The following TBC1D4 variants were observed in gnomAD, a reference collection of about 807,000 sequenced individuals.
TBC1D4 encodes TBC1 domain family member 4.
In TBC1D4, 121 loss-of-function variants were observed where a neutral mutation model predicts 142.5. That is an observed-to-expected ratio of 0.85 (90% CI 0.73 to 0.99). The LOEUF (loss-of-function observed/expected upper bound fraction) is 0.99. Among genes scored for constraint, TBC1D4 ranks in the 50% least tolerant of loss-of-function variants. TBC1D4 has a pLI of 0.00. For synonymous variants in TBC1D4, 630 were observed against 628.2 expected (o/e 1.00, Z -0.04); for missense variants, 1,475 against 1,606.6 (o/e 0.92, Z 1.40).
At chr13:75,320,950 A>G (rs1878716682) in intron 11 of TBC1D4, among the ~76,000 whole-genome samples, 1 of 151,556 alleles carries the variant, frequency 6.6e-6, no homozygotes, top group South Asian at 2.1e-4. Context: ...TGAGGCAGGA[A>G]AATGGCGTGA....
chr13:75,417,567 T>C (rs1034461581), intron 1 of TBC1D4, among the ~76,000 whole-genome samples: 1 of 151,844 alleles, frequency 6.6e-6, no homozygotes, highest in Non-Finnish European at 1.5e-5. Context: ...TCAGGATAGG[T>C]TTAATTAAGG....
chr13:75,361,964 G>T, intron 2 of TBC1D4, 62 bp downstream of exon 2: 2 of 1,565,550 alleles, frequency 1.3e-6, no homozygotes, highest in Non-Finnish European at 8.8e-7. Flanking sequence ...GGAACTGGAT[G>T]CCCAGCTACT....
At chr13:75,359,711 T>C in intron 3 of TBC1D4, 58 bp downstream of exon 3, 1 of 1,347,632 alleles carries the variant, frequency 7.4e-7, no homozygotes, top group Non-Finnish European at 1.1e-6. Flanking sequence ...CTTATTTTAT[T>C]GTTAATTCTG....
At position 75,362,067 on chromosome 13, in the gene TBC1D4, G is replaced by A; in HGVS notation, c.1039C>T (p.Gln347Ter). The change falls in exon 2 of 21, where the codon CAG becomes TAG. Residue 347 changes from glutamine (Q) to a stop codon, truncating the protein, a stop_gained. Coordinates refer to ENST00000377636, the MANE Select transcript of TBC1D4 (RefSeq NM_014832.5). LOFTEE classifies it high-confidence loss of function. The surrounding 1 kb of genome is among the most constrained non-coding windows in gnomAD (Gnocchi z 4.2). ...RRHASAPSHV[Q>*]PSDSEKNRTM... Reference sequence around the variant, plus strand: ...CTGTTCTTCTCCGAGTCCGAGGGCTGGACGTGACTGGGTGCGCTCGCGTGT... The same window carrying A: ...CTGTTCTTCTCCGAGTCCGAGGGCTAGACGTGACTGGGTGCGCTCGCGTGT... The A allele has an allele frequency of 1.2e-6, 2 of 1,614,140 alleles. No individual in the cohort carries two copies. The highest frequency in any genetic ancestry group is 1.1e-5 in the South Asian group (1 of 91,084).
At chr13:75,293,762 GAT>G (rs1228142093) in intron 18 of TBC1D4, among the ~76,000 whole-genome samples, 1 of 152,094 alleles carries the variant, frequency 6.6e-6, no homozygotes, top group Non-Finnish European at 1.5e-5. Flanking sequence ...CAATAAGAAA[GAT>G]ATCATATGTT....
chr13:75,443,187 C>T (rs1239908312), intron 1 of TBC1D4, among the ~76,000 whole-genome samples: 1 of 152,144 alleles, frequency 6.6e-6, no homozygotes, highest in Non-Finnish European at 1.5e-5. Context: ...CAAATAACTG[C>T]ACAACTACTT....
In TBC1D4 at chr13:75,306,369, T is replaced by C; in HGVS notation, c.2696A>G (p.Asn899Ser). The change falls in exon 15 of 21, where the codon AAC becomes AGC. Residue 899 changes from asparagine to serine, a missense_variant. Around this residue, in one of 2 missense-constraint regions of TBC1D4, gnomAD observed 1,227 missense variants for 1,267.7 expected, o/e 0.97. Transcript: ENST00000377636. The stretch of plus-strand genomic sequence containing the variant: ...ATCACATCTGATTTTAGCTCTGCAG[T>C]TTAACAACTTCTTATCCCAAGTTAT... Reference protein sequence around the residue: ...VLITWDKKLLNCRAKIRCDME... With the variant: ...VLITWDKKLLSCRAKIRCDME... The C allele has an allele frequency of 2.5e-6, 4 of 1,613,318 alleles. No homozygotes were observed. The highest frequency in any genetic ancestry group is 3.4e-6 in the Non-Finnish European group (4 of 1,179,856).
intron 1 of TBC1D4, among the ~76,000 whole-genome samples, chr13:75,472,116 A>G (rs1223030552): frequency 1.3e-5 from 2 of 148,836 alleles, no homozygotes; most frequent in Non-Finnish European, 3.0e-5. Context: ...CAAAAAAAAA[A>G]AAAAAAAAAA....
At chr13:75,315,337 C>T (rs1467292319) in intron 12 of TBC1D4, among the ~76,000 whole-genome samples, 1 of 148,710 alleles carries the variant, frequency 6.7e-6, no homozygotes, top group African/African-American at 2.5e-5. Flanking sequence ...AACAAAAAAC[C>T]TTCCTGAATA....
chr13:75,404,762 A>G (rs1179813708), intron 1 of TBC1D4, among the ~76,000 whole-genome samples: 2 of 152,228 alleles, frequency 1.3e-5, no homozygotes, highest in Non-Finnish European at 2.9e-5. Context: ...CACTAAAATC[A>G]CTTTTTATTA....
chr13:75,462,565 C>G (rs749489101), intron 1 of TBC1D4, among the ~76,000 whole-genome samples: 1 of 150,026 alleles, frequency 6.7e-6, no homozygotes, highest in African/African-American at 2.5e-5. Flanking sequence ...AAAGATTTGA[C>G]AAAGCAGAGC....
intron 12 of TBC1D4, 62 bp from the exon 13 acceptor site, chr13:75,312,960 C>T (rs1029616489): frequency 2.5e-6 from 4 of 1,584,100 alleles, no homozygotes; most frequent in Non-Finnish European, 3.4e-6. Context: ...CACTTCACAA[C>T]CAACTGGTAG....
In TBC1D4 at chr13:75,312,832, G is replaced by C. The variant is rs1287615606; in HGVS notation, c.2289C>G (p.Thr763=). The C allele has an allele frequency of 6.2e-7, 1 of 1,614,070 alleles. No homozygotes were observed. Among genetic ancestry groups the C allele is most frequent in the African/African-American group, 1.3e-5 (1 of 74,934 alleles). The change falls in exon 13 of 21, where the codon ACC becomes ACG. Residue 763 remains threonine, a synonymous_variant. Transcript: ENST00000377636. Reference sequence around the variant, plus strand: ...AGGAGATCCGGCGAGGAGTGACAGAGGTTCCTCCCACACTTAGGGACTCAT... The same window carrying C: ...AGGAGATCCGGCGAGGAGTGACAGACGTTCCTCCCACACTTAGGGACTCAT... ...CSNESLSVGG[T]SVTPRRISWR...
At chr13:75,325,192 A>C (rs543539502) in intron 10 of TBC1D4, among the ~76,000 whole-genome samples, 1 of 152,294 alleles carries the variant, frequency 6.6e-6, no homozygotes, top group Admixed American at 6.5e-5. Context: ...AAATATCTTG[A>C]TATACATATG....
chr13:75,326,595 C>T (rs1879288621), intron 9 of TBC1D4, among the ~76,000 whole-genome samples, 172 bp from the exon 10 acceptor site: 1 of 152,232 alleles, frequency 6.6e-6, no homozygotes, highest in African/African-American at 2.4e-5. Context: ...AGTATCACTA[C>T]AACCCATTAT....
At chr13:75,481,150 G>C in intron 1 of TBC1D4, 120 bp downstream of exon 1, 1 of 1,408,146 alleles carries the variant, frequency 7.1e-7, no homozygotes, top group Non-Finnish European at 9.4e-7. Flanking sequence ...GCCACGTGGA[G>C]CGCGCGCGCC....
intron 9 of TBC1D4, 71 bp from the exon 10 acceptor site, chr13:75,326,494 T>A (rs978921155): frequency 1.3e-6 from 2 of 1,510,148 alleles, no homozygotes; most frequent in Non-Finnish European, 9.2e-7. Context: ...AACACAGAGC[T>A]CAAAAGTGAC....
chr13:75,378,539 A>C (rs978343659), intron 1 of TBC1D4, among the ~76,000 whole-genome samples: 2 of 152,152 alleles, frequency 1.3e-5, no homozygotes, highest in Admixed American at 1.3e-4. Context: ...TGAAAAGATA[A>C]ACAGATACCT....
intron 13 of TBC1D4, among the ~76,000 whole-genome samples, chr13:75,310,716 GGTACAAT>G (rs1417007667): frequency 6.6e-6 from 1 of 152,002 alleles, no homozygotes; most frequent in Non-Finnish European, 1.5e-5. Context: ...GTGACTCTGG[GGTACAAT>G]GTACAAATGA....
Sources: gnomAD v4.1 joint callset for allele counts (sites outside exome capture counted in the v4.1 genomes callset) on GRCh38, gnomAD v4.1.1 for gene constraint, gnomAD v4.1.1 regional missense constraint, Gnocchi (gnomAD v3.1) non-coding constraint, MANE v1.5 for transcripts, NCBI Gene and HGNC (gene_info 2026-07-23, HGNC 2026-07-21) for gene names.